Variants in RBM27 observed in about 807,000 individuals in gnomAD.
RBM27 encodes the protein RNA-binding protein 27.
A neutral mutation model predicts 135.3 loss-of-function variants in RBM27; 22 were observed. That is an observed-to-expected ratio of 0.16 (90% CI 0.12 to 0.23). The LOEUF (loss-of-function observed/expected upper bound fraction) is 0.23, where lower values mean the gene tolerates loss of function less well. RBM27 is among the 10% of genes least tolerant of loss of function. RBM27 has a pLI of 1.00. For synonymous variants in RBM27, 481 were observed against 442.4 expected (o/e 1.09, Z -1.10); for missense variants, 1,009 against 1,281.0 (o/e 0.79, Z 3.24).
At chr5:146,216,456 A>G (rs764601948) in intron 1 of RBM27, among the ~76,000 whole-genome samples, 6 of 152,212 alleles carry the variant, frequency 3.9e-5, no homozygotes, top group Non-Finnish European at 7.3e-5. Flanking sequence ...ATGTGCATAT[A>G]TATCAAAAGC....
At chr5:146,277,116 T>C (rs6884493) in intron 19 of RBM27, among the ~76,000 whole-genome samples, 57,863 of 152,074 alleles carry the variant, frequency 0.38, 11,595 homozygotes, top group African/African-American at 0.49. Context: ...TCTAAACTGC[T>C]GTAATTTTTT....
intron 6 of RBM27, among the ~76,000 whole-genome samples, chr5:146,232,033 A>C (rs959230408): frequency 6.6e-6 from 1 of 152,158 alleles, no homozygotes; most frequent in African/African-American, 2.4e-5. Context: ...ATTTCTTTTA[A>C]ATTTTTATTA....
chr5:146,246,882 T>C (rs1455115195), intron 8 of RBM27, among the ~76,000 whole-genome samples: 2 of 151,224 alleles, frequency 1.3e-5, no homozygotes, highest in Non-Finnish European at 3.0e-5. Flanking sequence ...TTTTTTTTTT[T>C]AGACAAGGTC....
chr5:146,251,517 C>T (rs1351325571), intron 8 of RBM27, among the ~76,000 whole-genome samples, 194 bp from the exon 9 acceptor site: 1 of 152,098 alleles, frequency 6.6e-6, no homozygotes, highest in Non-Finnish European at 1.5e-5. Flanking sequence ...TTTCTTTATA[C>T]CTCAATGGAT....
At chr5:146,260,448 C>T (rs926231135) in intron 11 of RBM27, among the ~76,000 whole-genome samples, 1 of 152,044 alleles carries the variant, frequency 6.6e-6, no homozygotes, top group Non-Finnish European at 1.5e-5. Context: ...GGTCTGGAAC[C>T]CCTGGGCTCA....
At chr5:146,226,751 A>G (rs1756694228) in intron 3 of RBM27, among the ~76,000 whole-genome samples, 1 of 152,196 alleles carries the variant, frequency 6.6e-6, no homozygotes, top group African/African-American at 2.4e-5. Flanking sequence ...GTATCTTTGT[A>G]GATACAATTT....
intron 2 of RBM27, among the ~76,000 whole-genome samples, chr5:146,222,089 T>C (rs973126982): frequency 6.6e-6 from 1 of 152,120 alleles, no homozygotes; most frequent in Non-Finnish European, 1.5e-5. Context: ...ATAATAATTA[T>C]AAGTGAAAGT....
chr5:146,204,653 G>T (rs1001863036), intron 1 of RBM27, among the ~76,000 whole-genome samples: 3 of 152,136 alleles, frequency 2.0e-5, no homozygotes, highest in African/African-American at 7.2e-5. Flanking sequence ...TTTAGATACA[G>T]GTGGTGTTGG....
At chr5:146,240,873 A>G (rs933695559) in intron 8 of RBM27, among the ~76,000 whole-genome samples, 2 of 152,062 alleles carry the variant, frequency 1.3e-5, no homozygotes, top group African/African-American at 4.8e-5. Context: ...TCATTTTTTA[A>G]TTATGGGAAA....
chr5:146,256,306 T>C lies in RBM27; in HGVS notation c.1594+1214T>C, dbSNP rs1473812641. On this transcript the variant is annotated intron_variant, in intron 10 of 20. Transcript: ENST00000265271. ...ATATATATATTTTATATATATATTATTTATATATATATTTTTATATATATT... is the reference window on the plus strand; with the variant it reads ...ATATATATATTTTATATATATATTACTTATATATATATTTTTATATATATT... Among the ~76,000 whole-genome samples the C allele has an allele frequency of 6.8e-5, 10 of 147,002 alleles. No homozygotes were observed. The Admixed American group carries it at 6.8e-4, about 10-fold the overall frequency.
intron 13 of RBM27, 93 bp from the exon 14 acceptor site, chr5:146,263,398 A>T (rs901305698): frequency 4.8e-5 from 62 of 1,287,296 alleles, no homozygotes; most frequent in Non-Finnish European, 6.5e-5. Context: ...CCATTTTCTT[A>T]TCTTCTTCCC....
intron 10 of RBM27, 119 bp downstream of exon 10, chr5:146,255,211 T>C: frequency 3.6e-6 from 3 of 832,950 alleles, no homozygotes; most frequent in Middle Eastern, 2.4e-4. Context: ...TTATATATTA[T>C]CTCTTTGGAG....
At chr5:146,250,151 C>T (rs1336746355) in intron 8 of RBM27, among the ~76,000 whole-genome samples, 3 of 151,862 alleles carry the variant, frequency 2.0e-5, no homozygotes, top group African/African-American at 7.3e-5. Flanking sequence ...GACATTTCAC[C>T]AGGTATAAAA....
Position 146,287,517 on chromosome 5 carries a change from G to T in RBM27, c.*1487G>T, listed in dbSNP as rs1335112670. 6.6e-6 allele frequency: 1 copy of T among 152,004 alleles called. No homozygotes were observed. Among genetic ancestry groups the T allele is most frequent in the African/African-American group, 2.4e-5 (1 of 41,400 alleles). 9.4% of individuals were successfully genotyped at this position (152,004 alleles called of 1,614,324 possible). ...GTATGAAAATTTGAAACCTCCTGTT[G>T]TCTCCAAAAGGGTCTTGGTGACCAC... On this transcript the variant is annotated 3_prime_UTR_variant, in exon 21 of 21. Transcript: ENST00000265271.
intron 8 of RBM27, among the ~76,000 whole-genome samples, chr5:146,244,313 T>C (rs1197948997): frequency 2.6e-5 from 4 of 152,142 alleles, no homozygotes; most frequent in African/African-American, 9.7e-5. Flanking sequence ...GATAGTACCA[T>C]TATACTCTAG....
At chr5:146,211,384 A>T (rs903806366) in intron 1 of RBM27, among the ~76,000 whole-genome samples, 1 of 151,748 alleles carries the variant, frequency 6.6e-6, no homozygotes, top group African/African-American at 2.4e-5. Flanking sequence ...AGAAGTACCA[A>T]TATATGTGTA....
At chr5:146,267,580 A>G (rs1000745385) in intron 14 of RBM27, 69 bp from the exon 15 acceptor site, 18 of 1,054,374 alleles carry the variant, frequency 1.7e-5, no homozygotes, top group East Asian at 2.5e-5. Flanking sequence ...CTTTTCTAAA[A>G]AAGTATTCTA....
At chr5:146,252,157 A>G (rs539013932) in intron 9 of RBM27, among the ~76,000 whole-genome samples, 4 of 152,334 alleles carry the variant, frequency 2.6e-5, no homozygotes, top group Admixed American at 6.5e-5. Flanking sequence ...AATCAGGTAG[A>G]TAGAAAGATA....
chr5:146,263,857 C>T (rs562076605), intron 14 of RBM27, among the ~76,000 whole-genome samples: 1 of 152,120 alleles, frequency 6.6e-6, no homozygotes, highest in Admixed American at 6.5e-5. Context: ...GTAATCCCAG[C>T]ACTTTGGGAA....
Sources: gnomAD v4.1 joint callset for allele counts (sites outside exome capture counted in the v4.1 genomes callset) on GRCh38, gnomAD v4.1.1 for gene constraint, MANE v1.5 for transcripts, NCBI Gene and HGNC (gene_info 2026-07-23, HGNC 2026-07-21) for gene names.